Variants in RHBDD1 observed in about 807,000 individuals in gnomAD.
RHBDD1 encodes the protein rhomboid-related protein 4.
A neutral mutation model predicts 36.3 loss-of-function variants in RHBDD1; 38 were observed. The observed-to-expected ratio is 1.05, with a 90% CI of 0.81 to 1.37. The LOEUF is 1.37. Among genes scored for constraint, RHBDD1 ranks in the 40% most tolerant of loss-of-function variants. The pLI is 0.00. For missense variants in RHBDD1, 393 were observed against 377.6 expected (o/e 1.04, Z -0.34); for synonymous variants, 151 against 136.5 (o/e 1.11, Z -0.74).
At chr2:226,855,379 T>C (rs1296702030) in intron 3 of RHBDD1, among the ~76,000 whole-genome samples, 3 of 152,176 alleles carry the variant, frequency 2.0e-5, no homozygotes, top group Non-Finnish European at 2.9e-5. Flanking sequence ...TGGTGACACT[T>C]GCATGTAGTC....
chr2:226,803,333 T>TGTGTGTGTGTGA, the RHBDD1 span, among the ~76,000 whole-genome samples: 1 of 147,666 alleles, frequency 6.8e-6, no homozygotes, highest in African/African-American at 2.5e-5. Flanking sequence ...TGTGTGTGTG[T>TGTGTGTGTGTGA]GAGAGAGAGA....
chr2:226,878,907 A>G (rs1249798409), intron 5 of RHBDD1, among the ~76,000 whole-genome samples: 1 of 152,098 alleles, frequency 6.6e-6, no homozygotes, highest in African/African-American at 2.4e-5. Context: ...AAAAGAAGGG[A>G]GTGAAAGAGT....
intron 8 of RHBDD1, among the ~76,000 whole-genome samples, chr2:226,928,541 A>G (rs1226264957): frequency 1.3e-5 from 2 of 152,142 alleles, no homozygotes; most frequent in Non-Finnish European, 2.9e-5. Flanking sequence ...AAATGCCTAC[A>G]TCAGAAAGTC....
chr2:226,882,018 T>G (rs949692933), intron 5 of RHBDD1, among the ~76,000 whole-genome samples: 10 of 152,248 alleles, frequency 6.6e-5, no homozygotes, highest in African/African-American at 2.4e-4. Context: ...CAATGTTAGG[T>G]TCTATAAGTA....
chr2:226,817,023 A>G, the RHBDD1 span, among the ~76,000 whole-genome samples: 1 of 152,272 alleles, frequency 6.6e-6, no homozygotes, highest in South Asian at 2.1e-4. Flanking sequence ...GAAAATGTAT[A>G]GTTCTTGAAC....
chr2:226,906,935 T>G, intron 6 of RHBDD1, 54 bp downstream of exon 6: 3 of 1,587,434 alleles, frequency 1.9e-6, no homozygotes, highest in Non-Finnish European at 2.6e-6. Context: ...CATGTTAATT[T>G]TAATGTGAAC....
intron 8 of RHBDD1, among the ~76,000 whole-genome samples, chr2:226,945,145 GATTATT>G (rs60027437): frequency 3.8e-4 from 55 of 144,814 alleles, no homozygotes; most frequent in African/African-American, 8.9e-4. Flanking sequence ...GATCAAATCT[GATTATT>G]ATTATTATTA....
chr2:226,856,384 A>G (rs1365308533), intron 3 of RHBDD1, among the ~76,000 whole-genome samples: 1 of 152,182 alleles, frequency 6.6e-6, no homozygotes, highest in Non-Finnish European at 1.5e-5. Flanking sequence ...TTGAAAATCT[A>G]CATTTTGTAA....
In RHBDD1 at chr2:226,995,674, G is replaced by C; in HGVS notation, c.*152G>C. 1.6e-6 allele frequency: 1 copy of C among 633,656 alleles called. No individual in the cohort carries two copies. Among genetic ancestry groups the C allele is most frequent in the Non-Finnish European group, 2.8e-6 (1 of 352,296 alleles). 39.3% of individuals were successfully genotyped at this position (633,656 alleles called of 1,614,324 possible). On this transcript the variant is annotated 3_prime_UTR_variant, in exon 9 of 9. Transcript: ENST00000392062. The stretch of plus-strand genomic sequence containing the variant: ...CTCACATCACCTGGGACAGTCCCAT[G>C]GCCCCTATGAGTCAACTCACAGCTT...
chr2:226,906,954 C>T (rs1449925324), intron 6 of RHBDD1, 73 bp downstream of exon 6: 2 of 1,472,302 alleles, frequency 1.4e-6, no homozygotes, highest in Non-Finnish European at 1.9e-6. Flanking sequence ...ACAGAAGCAA[C>T]CCCAAGTTTC....
chr2:226,816,726 T>A, the RHBDD1 span, among the ~76,000 whole-genome samples: 1 of 152,090 alleles, frequency 6.6e-6, no homozygotes. Flanking sequence ...TAAAACCCTG[T>A]CTCTACTAAA....
chr2:226,962,387 C>G (rs1400884302), intron 8 of RHBDD1, among the ~76,000 whole-genome samples: 5 of 152,336 alleles, frequency 3.3e-5, no homozygotes, highest in African/African-American at 4.8e-5. Context: ...ATGGCTTCAA[C>G]AAGCATATTC....
At chr2:226,969,223 G>A (rs987327448) in intron 8 of RHBDD1, 3 of 152,100 alleles carry the variant, frequency 2.0e-5, no homozygotes, top group African/African-American at 7.2e-5. Context: ...CAGAGAGCCT[G>A]ATTGTTGCAG....
upstream of RHBDD1, among the ~76,000 whole-genome samples, chr2:226,833,331 G>GT (rs1011970330): frequency 1.3e-5 from 2 of 152,222 alleles, no homozygotes; most frequent in Non-Finnish European, 2.9e-5. Flanking sequence ...ATCCAGTTGT[G>GT]TATTTGTTGC....
intron 8 of RHBDD1, among the ~76,000 whole-genome samples, chr2:226,919,609 C>A (rs1330350214): frequency 6.6e-6 from 1 of 151,938 alleles, no homozygotes; most frequent in Non-Finnish European, 1.5e-5. Context: ...CTCTTGGCAC[C>A]TTTTTTGAAA....
At chr2:226,821,316 T>G in the RHBDD1 span, among the ~76,000 whole-genome samples, 90 of 152,214 alleles carry the variant, frequency 5.9e-4, no homozygotes, top group African/African-American at 2.0e-3. Context: ...TACTGGCTTT[T>G]TTTGTTTGTT....
At chr2:226,826,516 GAT>G in the RHBDD1 span, among the ~76,000 whole-genome samples, 3 of 101,050 alleles carry the variant, frequency 3.0e-5, no homozygotes, top group South Asian at 3.6e-4. Context: ...AATCATGATA[GAT>G]TTTTTTTTTT....
At chr2:226,840,582 C>G (rs1309823472) in intron 3 of RHBDD1, among the ~76,000 whole-genome samples, 2 of 152,280 alleles carry the variant, frequency 1.3e-5, no homozygotes, top group East Asian at 3.9e-4. Flanking sequence ...GATAAAGAAA[C>G]AGAAGCTCTA....
the RHBDD1 span, among the ~76,000 whole-genome samples, chr2:226,828,746 A>G: frequency 6.6e-6 from 1 of 152,134 alleles, no homozygotes; most frequent in Admixed American, 6.5e-5. Flanking sequence ...CCACTTTTTA[A>G]CTGAATTGTT....
Sources: allele counts gnomAD v4.1 joint callset (sites outside exome capture counted in the v4.1 genomes callset), GRCh38; gene constraint gnomAD v4.1.1; transcripts MANE v1.5; gene names NCBI Gene and HGNC (gene_info 2026-07-23, HGNC 2026-07-21).